Variants in IPO11 observed in about 807,000 individuals in gnomAD.
The protein encoded by IPO11 is importin 11.
A neutral mutation model predicts 143.2 loss-of-function variants in IPO11; 66 were observed. The observed-to-expected ratio is 0.46, with a 90% CI of 0.38 to 0.57. The LOEUF (loss-of-function observed/expected upper bound fraction) is 0.57. Among genes scored for constraint, IPO11 ranks in the 20% least tolerant of loss-of-function variants. The pLI, the probability that IPO11 is intolerant of heterozygous loss-of-function variation, is 0.00. For synonymous variants in IPO11, 385 were observed against 377.8 expected, an observed-to-expected ratio of 1.02 and a Z score of -0.22; for missense variants, 1,026 against 1,141.0, an observed-to-expected ratio of 0.90 and a Z score of 1.45.
intron 1 of IPO11, among the ~76,000 whole-genome samples, chr5:62,413,857 G>GACTCTTCTA (rs1743204266): frequency 6.6e-6 from 1 of 152,226 alleles, no homozygotes; most frequent in Admixed American, 6.5e-5. Context: ...AGGGCAGGGT[G>GACTCTTCTA]ACTCTTCTAT....
intron 20 of IPO11, among the ~76,000 whole-genome samples, chr5:62,519,448 T>C (rs982607687): frequency 2.6e-5 from 4 of 152,204 alleles, no homozygotes; most frequent in Non-Finnish European, 5.9e-5. Flanking sequence ...GATTTAAGCA[T>C]TGTAGGCATT....
intron 6 of IPO11, among the ~76,000 whole-genome samples, chr5:62,468,961 G>A (rs1333225214): frequency 2.6e-5 from 4 of 152,018 alleles, no homozygotes; most frequent in African/African-American, 7.2e-5. Context: ...TATTTCATTC[G>A]ACAAATCTAT....
chr5:62,477,127 A>G (rs934833916), intron 9 of IPO11, among the ~76,000 whole-genome samples: 1 of 152,204 alleles, frequency 6.6e-6, no homozygotes, highest in Non-Finnish European at 1.5e-5. Context: ...TATATTCAGA[A>G]TGACCATCAG....
At chr5:62,467,475 T>C (rs1162866606) in intron 6 of IPO11, among the ~76,000 whole-genome samples, 1 of 152,176 alleles carries the variant, frequency 6.6e-6, no homozygotes, top group Admixed American at 6.5e-5. Context: ...TAAGTTGAAG[T>C]GGATAGTTAG....
chr5:62,522,291 T>TTTTTTTTTTTTG (rs1554053317), intron 20 of IPO11, among the ~76,000 whole-genome samples: 254 of 150,624 alleles, frequency 1.7e-3, no homozygotes, highest in African/African-American at 5.8e-3. Context: ...GTGGTGGGTT[T>TTTTTTTTTTTTG]TTTTTTTTTT....
chr5:62,472,365 T>C (rs1460253704), intron 7 of IPO11, among the ~76,000 whole-genome samples: 1 of 152,174 alleles, frequency 6.6e-6, no homozygotes, highest in East Asian at 1.9e-4. Flanking sequence ...CTGTCATCGA[T>C]ATTTTGTGAG....
intron 24 of IPO11, among the ~76,000 whole-genome samples, chr5:62,540,650 C>T (rs1742903364): frequency 6.6e-6 from 1 of 152,198 alleles, no homozygotes; most frequent in Non-Finnish European, 1.5e-5. Context: ...TGCTACTTCA[C>T]AGCTATGTGA....
chr5:62,540,594 A>G (rs1360535703), intron 24 of IPO11, among the ~76,000 whole-genome samples: 1 of 152,250 alleles, frequency 6.6e-6, no homozygotes, highest in Admixed American at 6.5e-5. Flanking sequence ...CATAGCAGGT[A>G]AGACTACACA....
chr5:62,457,422 T>G (rs247232), intron 5 of IPO11, among the ~76,000 whole-genome samples: 72 of 152,050 alleles, frequency 4.7e-4, no homozygotes, highest in African/African-American at 1.6e-3. Context: ...AGTTTGAGGC[T>G]GTAGTGATAT....
intron 27 of IPO11, among the ~76,000 whole-genome samples, chr5:62,574,025 C>T (rs1272917313): frequency 4.6e-5 from 7 of 152,132 alleles, no homozygotes; most frequent in African/African-American, 1.7e-4. Context: ...CTTAAGGCAT[C>T]CCATTTTATT....
intron 28 of IPO11, among the ~76,000 whole-genome samples, chr5:62,594,213 T>C (rs1324850698): frequency 6.6e-6 from 1 of 152,104 alleles, no homozygotes; most frequent in Non-Finnish European, 1.5e-5. Flanking sequence ...AAATTGATTG[T>C]AAGGAATTGG....
intron 12 of IPO11, among the ~76,000 whole-genome samples, chr5:62,486,257 G>T (rs918124177): frequency 6.6e-6 from 1 of 152,140 alleles, no homozygotes; most frequent in Admixed American, 6.5e-5. Flanking sequence ...TGGGATTACA[G>T]GCGTGAGCCA....
chr5:62,441,223 G>A (rs1383712774), intron 2 of IPO11, among the ~76,000 whole-genome samples: 2 of 152,082 alleles, frequency 1.3e-5, no homozygotes, highest in Non-Finnish European at 2.9e-5. Flanking sequence ...TTGAGACAGA[G>A]TTTCACTCTT....
At chr5:62,467,304 C>A (rs753383959) in intron 6 of IPO11, 41 bp downstream of exon 6, 1 of 1,572,422 alleles carries the variant, frequency 6.4e-7, no homozygotes, top group Non-Finnish European at 8.6e-7. Context: ...AAATGAGATA[C>A]CTCAGAACAG....
chr5:62,619,015 G>A (rs1746246966), intron 29 of IPO11, among the ~76,000 whole-genome samples: 2 of 152,134 alleles, frequency 1.3e-5, no homozygotes, highest in Admixed American at 1.3e-4. Context: ...TGGATCACTT[G>A]AGGTCAGGAG....
At position 62,435,024 on chromosome 5, in the gene IPO11, CAAAAA is replaced by C. The variant is rs569681674; in HGVS notation, c.-6-2244_-6-2240del. 2.7e-4 allele frequency among the ~76,000 whole-genome samples: 34 copies of C among 127,186 alleles called. No individual in the cohort carries two copies. In the East Asian group the frequency reaches 6.1e-3, roughly 23 times the overall value. The allele number at this position is 127,186 out of a possible 152,430, so 83.4% of individuals were successfully genotyped here. On this transcript the variant is annotated intron_variant, in intron 1 of 29. Transcript: ENST00000325324. ...TAGGCAACAGAGTGAGACGCTGTCT[CAAAAA>C]AAAAATATATATGTATATGTGTATA...
intron 29 of IPO11, among the ~76,000 whole-genome samples, chr5:62,609,797 C>T (rs1392314072): frequency 6.6e-6 from 1 of 152,220 alleles, no homozygotes; most frequent in African/African-American, 2.4e-5. Flanking sequence ...GGTCTGGGAG[C>T]ACATAATTCA....
chr5:62,554,262 T>C (rs1182003176), intron 26 of IPO11, among the ~76,000 whole-genome samples: 2 of 151,930 alleles, frequency 1.3e-5, no homozygotes, highest in Admixed American at 1.3e-4. Flanking sequence ...TTTTGTCATA[T>C]AGAAGCTTTT....
chr5:62,465,186 T>A (rs555733919), intron 5 of IPO11, among the ~76,000 whole-genome samples: 2 of 152,348 alleles, frequency 1.3e-5, no homozygotes, highest in Admixed American at 6.5e-5. Context: ...TGCGTCTAAA[T>A]CCTTCTGTTC....
Sources: allele counts gnomAD v4.1 joint callset (sites outside exome capture counted in the v4.1 genomes callset), GRCh38; gene constraint gnomAD v4.1.1; transcripts MANE v1.5; gene names NCBI Gene and HGNC (gene_info 2026-07-23, HGNC 2026-07-21).